COL8A2: variants seen among roughly 807,000 people sequenced by gnomAD.
COL8A2 encodes collagen type VIII alpha 2 chain.
A neutral mutation model predicts 24.0 loss-of-function variants in COL8A2; 16 were observed. The observed-to-expected ratio is 0.67, with a 90% CI of 0.45 to 1.01. The LOEUF (loss-of-function observed/expected upper bound fraction) is 1.01. COL8A2 is among the 50% of genes least tolerant of loss of function. The pLI is 0.00. For missense variants in COL8A2, 818 were observed against 942.4 expected, an observed-to-expected ratio of 0.87 and a Z score of 1.73; for synonymous variants, 466 against 424.5, an observed-to-expected ratio of 1.10 and a Z score of -1.20.
At chr1:36,114,189 G>T (rs996241749) in intron 2 of COL8A2, among the ~76,000 whole-genome samples, 1 of 151,954 alleles carries the variant, frequency 6.6e-6, no homozygotes, top group Admixed American at 6.6e-5. Flanking sequence ...CGTGGTAGAG[G>T]GCGCCTATAG....
At position 36,097,717 on chromosome 1, in the gene COL8A2, T is replaced by G; in HGVS notation, c.1964A>C (p.Tyr655Ser). The G allele has an allele frequency of 6.2e-7, 1 of 1,607,154 alleles. No homozygotes were observed. Among genetic ancestry groups the G allele is most frequent in the Non-Finnish European group, 8.5e-7 (1 of 1,176,496 alleles). Residue 655 changes from tyrosine (Y) to serine (S), a missense_variant, in exon 4 of 4, where the codon TAC becomes TCC. Physicochemically the swap from Tyr to Ser is moderately radical, Grantham distance 144. Transcript: ENST00000397799. ...GGCCCCACCAGATGCCTGGTCCAGG[T>G]AGCCCTTCTTGTACTCATCGTAGGT... is the stretch of plus-strand genomic sequence containing the variant. ...TYTYDEYKKGYLDQASGGAVL... is the reference protein window; with the variant it reads ...TYTYDEYKKGSLDQASGGAVL...
intron 1 of COL8A2, among the ~76,000 whole-genome samples, chr1:36,122,175 C>G (rs1557750015): frequency 6.6e-6 from 1 of 152,126 alleles, no homozygotes; most frequent in Non-Finnish European, 1.5e-5. Context: ...CATGTGTGAC[C>G]TGGAACTACT....
intron 2 of COL8A2, among the ~76,000 whole-genome samples, chr1:36,102,818 C>A: frequency 6.6e-6 from 1 of 151,458 alleles, no homozygotes; most frequent in Non-Finnish European, 1.5e-5. Flanking sequence ...ATTACAGGGG[C>A]CTGCCACCAC....
In COL8A2 at chr1:36,096,962, C is replaced by T. The variant is rs1049858738; in HGVS notation, c.*607G>A. 2 of 153,348 alleles carry T rather than the reference C, an allele frequency of 1.3e-5. No individual in the cohort carries two copies. Among genetic ancestry groups the T allele is most frequent in the Non-Finnish European group, 2.9e-5 (2 of 68,872 alleles). 9.5% of individuals were successfully genotyped at this position (153,348 alleles called of 1,614,324 possible). On this transcript the variant is annotated 3_prime_UTR_variant, in exon 4 of 4. Transcript: ENST00000397799. ...AGCAGTGAAAGGGAGGTTGCCCTTTCCCAGGGCAACAGGCACTGTGCCCAC... is the reference window on the plus strand; with the variant it reads ...AGCAGTGAAAGGGAGGTTGCCCTTTTCCAGGGCAACAGGCACTGTGCCCAC...
chr1:36,101,537 AG>A (rs1298898039), intron 2 of COL8A2, among the ~76,000 whole-genome samples: 9 of 152,212 alleles, frequency 5.9e-5, no homozygotes, highest in Non-Finnish European at 1.3e-4. Flanking sequence ...GGAACCAGCC[AG>A]GCAGCCTTCC....
At position 36,125,162 on chromosome 1, in the gene COL8A2, G is replaced by A; in HGVS notation, c.-167C>T. On this transcript the variant is annotated 5_prime_UTR_variant, in exon 1 of 4. Transcript: ENST00000397799. The surrounding 1 kb of genome is among the most constrained non-coding windows in gnomAD (Gnocchi z 4.5). ...GGCTGGGCGGGCGGCGTTGGGGTCCGGGGTCCGCGCCGGCGGGGTTCCGCG... is the reference window on the plus strand; with the variant it reads ...GGCTGGGCGGGCGGCGTTGGGGTCCAGGGTCCGCGCCGGCGGGGTTCCGCG... The A allele has an allele frequency of 1.9e-6, 1 of 525,152 alleles. No individual in the cohort carries two copies. Among genetic ancestry groups the A allele is most frequent in the Non-Finnish European group, 2.4e-6 (1 of 411,426 alleles). 32.5% of individuals were successfully genotyped at this position (525,152 alleles called of 1,614,324 possible). A position where few individuals can be genotyped will look rare whatever the true frequency, so the allele number is the denominator to read the frequency against.
intron 2 of COL8A2, among the ~76,000 whole-genome samples, chr1:36,107,454 G>A (rs1643777996): frequency 6.6e-6 from 1 of 151,896 alleles, no homozygotes; most frequent in Non-Finnish European, 1.5e-5. Flanking sequence ...GTAGTGCCAT[G>A]GAGGGAGAGT....
chr1:36,098,622 T>C lies in COL8A2; in HGVS notation c.1059A>G (p.Pro353=), dbSNP rs759229205. 3.1e-6 allele frequency: 5 copies of C among 1,611,384 alleles called. No individual in the cohort carries two copies. The South Asian group carries it at 5.5e-5, about 18-fold the overall frequency. ...GEDGEPGEQG[P]QGLGGPPGLP... The stretch of plus-strand genomic sequence containing the variant: ...GTCCAGGGGGACCCCCAAGACCCTG[T>C]GGGCCCTGCTCCCCTGGCTCCCCAT... The change falls in exon 4 of 4, where the codon CCA becomes CCG. Residue 353 remains proline (P), a synonymous_variant. Transcript: ENST00000397799.
intron 2 of COL8A2, among the ~76,000 whole-genome samples, chr1:36,112,491 C>T (rs1643857171): frequency 6.6e-6 from 1 of 152,100 alleles, no homozygotes; most frequent in Admixed American, 6.6e-5. Flanking sequence ...AACTTCCAAC[C>T]TTATCCTGTG....
intron 2 of COL8A2, among the ~76,000 whole-genome samples, chr1:36,109,083 C>A (rs1035137900): frequency 6.6e-6 from 1 of 152,240 alleles, no homozygotes; most frequent in Non-Finnish European, 1.5e-5. Flanking sequence ...GCGCAGGCCC[C>A]TACTGCTCCA....
rs923864203 is a variant in COL8A2 at position 36,123,384 on chromosome 1, G to A, written c.-62+1673C>T. On this transcript the variant is annotated intron_variant, in intron 1 of 3. Coordinates refer to ENST00000397799, the MANE Select transcript of COL8A2 (RefSeq NM_005202.4). The surrounding 1 kb of genome is among the most constrained non-coding windows in gnomAD (Gnocchi z 4.1). ...GTAGTGGAGTACAGGGGCTCAGGCT[G>A]ACAGCCCTGCTTAGTATCTTTCTCC... Among the ~76,000 whole-genome samples the A allele has an allele frequency of 2.6e-5, 4 of 152,240 alleles. No individual in the cohort carries two copies. The highest frequency in any genetic ancestry group is 4.4e-5 in the Non-Finnish European group (3 of 68,056).
chr1:36,096,790 CA>C lies in COL8A2; in HGVS notation c.*778del, dbSNP rs2124067138. ...TGATCTTTCTGGCCTGTAGGTGTCC[CA>C]GGGGCCTCTGTGCTGCCCTCAAGCT... On this transcript the variant is annotated 3_prime_UTR_variant, in exon 4 of 4. Coordinates refer to ENST00000397799, the MANE Select transcript of COL8A2 (RefSeq NM_005202.4). 6.6e-6 allele frequency: 1 copy of C among 152,562 alleles called. No homozygotes were observed. Among genetic ancestry groups the C allele is most frequent in the South Asian group, 2.1e-4 (1 of 4,830 alleles). The allele number at this position is 152,562 out of a possible 1,614,324, so 9.5% of individuals were successfully genotyped here. A position where few individuals can be genotyped will look rare whatever the true frequency, so the allele number is the denominator to read the frequency against.
In COL8A2 at chr1:36,099,462, C is replaced by T. The variant is rs1187243119; in HGVS notation, c.219G>A (p.Met73Ile). The change falls in exon 4 of 4, where the codon ATG (methionine) becomes ATA (isoleucine). Residue 73 changes from methionine to isoleucine, a missense_variant. By Grantham distance (10) the Met-to-Ile change is conservative (BLOSUM62 1). This residue lies in a region of COL8A2 where 573 missense variants were observed against 616.8 expected (regional missense o/e 0.93). Coordinates refer to ENST00000397799, the MANE Select transcript of COL8A2 (RefSeq NM_005202.4). ...YLEMPLPLLP[M>I]DLKGEPGPPG... ...GGGGGCCGGGCTCTCCCTTCAGGTCCATCGGCAGCAGCGGTAGAGGCATTT... is the reference window on the plus strand; with the variant it reads ...GGGGGCCGGGCTCTCCCTTCAGGTCTATCGGCAGCAGCGGTAGAGGCATTT... 7.8e-6 allele frequency: 12 copies of T among 1,542,052 alleles called. 1 individual carries two copies. In the South Asian group the frequency reaches 1.3e-4, roughly 17 times the overall value.
chr1:36,104,230 G>T (rs1643722984), intron 2 of COL8A2, among the ~76,000 whole-genome samples: 2 of 151,714 alleles, frequency 1.3e-5, no homozygotes, highest in African/African-American at 4.8e-5. Context: ...AGTGGCTCGT[G>T]CCTGTAATCT....
In COL8A2 at chr1:36,097,473, G is replaced by T; in HGVS notation, c.*96C>A. The T allele has an allele frequency of 1.9e-6, 2 of 1,065,326 alleles. No homozygotes were observed. The highest frequency in any genetic ancestry group is 1.4e-6 in the Non-Finnish European group (1 of 723,910). 66.0% of individuals were successfully genotyped at this position (1,065,326 alleles called of 1,614,324 possible). A position where few individuals can be genotyped will look rare whatever the true frequency, so the allele number is the denominator to read the frequency against. On this transcript the variant is annotated 3_prime_UTR_variant, in exon 4 of 4. Coordinates refer to ENST00000397799, the MANE Select transcript of COL8A2 (RefSeq NM_005202.4). The stretch of plus-strand genomic sequence containing the variant: ...CCAAGGCCACGGCCGCCTCTGTTCA[G>T]CTTTTGTTTTTTTTTCCAGGAGGTT...
intron 2 of COL8A2, among the ~76,000 whole-genome samples, chr1:36,108,326 C>T (rs893660390): frequency 3.9e-5 from 6 of 152,202 alleles, no homozygotes; most frequent in Admixed American, 1.3e-4. Flanking sequence ...CAAGCAGGGC[C>T]GTCAAGGGTC....
At chr1:36,105,578 C>T (rs993357507) in intron 2 of COL8A2, among the ~76,000 whole-genome samples, 1 of 152,324 alleles carries the variant, frequency 6.6e-6, no homozygotes, top group Middle Eastern at 3.4e-3. Flanking sequence ...TGCTGGGGTA[C>T]CTTGCCAGGC....
At chr1:36,100,029 G>A (rs1643651148) in intron 3 of COL8A2, 21 bp downstream of exon 3, 3 of 1,606,004 alleles carry the variant, frequency 1.9e-6, no homozygotes, top group Middle Eastern at 1.7e-4. Context: ...TTGAGGCACT[G>A]TGGGGTGAGG....
Position 36,097,329 on chromosome 1 carries a change from G to C in COL8A2, c.*240C>G. Reference sequence around the variant, plus strand: ...CAAGGGGCTGGGCTGTGTGCCTCAGGGCCTATGGGGTGCAGCCCTGACACT... The same window carrying C: ...CAAGGGGCTGGGCTGTGTGCCTCAGCGCCTATGGGGTGCAGCCCTGACACT... On this transcript the variant is annotated 3_prime_UTR_variant, in exon 4 of 4. Transcript: ENST00000397799. 1.9e-6 allele frequency: 1 copy of C among 519,796 alleles called. No homozygotes were observed. Among genetic ancestry groups the C allele is most frequent in the Non-Finnish European group, 3.5e-6 (1 of 287,700 alleles). 32.2% of individuals were successfully genotyped at this position (519,796 alleles called of 1,614,324 possible).
Sources: gnomAD v4.1 joint callset for allele counts (sites outside exome capture counted in the v4.1 genomes callset) on GRCh38, gnomAD v4.1.1 for gene constraint, gnomAD v4.1.1 regional missense constraint, Gnocchi (gnomAD v3.1) non-coding constraint, MANE v1.5 for transcripts, NCBI Gene and HGNC (gene_info 2026-07-23, HGNC 2026-07-21) for gene names.